The following KIF26B variants were observed in gnomAD, a reference collection of about 807,000 sequenced individuals.
The protein encoded by KIF26B is kinesin family member 26B, also known as kinesin-like protein KIF26B.
A neutral mutation model predicts 151.2 loss-of-function variants in KIF26B; 63 were observed. The ratio of observed to expected loss-of-function variants is 0.42; its 90% CI spans 0.34 to 0.51. The LOEUF is 0.51. Among genes scored for constraint, KIF26B ranks in the 20% least tolerant of loss-of-function variants. The pLI is 0.07. For missense variants in KIF26B, 2,813 were observed against 2,913.6 expected (o/e 0.97, Z 0.79); for synonymous variants, 1,357 against 1,262.1 (o/e 1.08, Z -1.59).
At chr1:245,275,128 C>A (rs1366873346) in intron 2 of KIF26B, among the ~76,000 whole-genome samples, 1 of 152,116 alleles carries the variant, frequency 6.6e-6, no homozygotes, top group Non-Finnish European at 1.5e-5. Context: ...TAAATGTCTT[C>A]TTTTGAGAAG....
rs997753308 is a variant in KIF26B at position 245,532,102 on chromosome 1, G to A, written c.1167-8665G>A. Among the ~76,000 whole-genome samples the A allele has an allele frequency of 7.9e-5, 12 of 151,958 alleles. No homozygotes were observed. In the South Asian group the frequency reaches 1.2e-3, roughly 16 times the overall value. On this transcript the variant is annotated intron_variant, in intron 4 of 14. Coordinates refer to ENST00000407071, the MANE Select transcript of KIF26B (RefSeq NM_018012.4). ...ACCCTGTCCTTAAGAAAAAAACAAAGCAAACAACAAAAAGACAACTGCTAT... is the reference window on the plus strand; with the variant it reads ...ACCCTGTCCTTAAGAAAAAAACAAAACAAACAACAAAAAGACAACTGCTAT...
chr1:245,552,616 A>ATTTTTTTTTT (rs3038129), intron 5 of KIF26B, among the ~76,000 whole-genome samples: 19 of 138,516 alleles, frequency 1.4e-4, no homozygotes, highest in African/African-American at 5.2e-4. Flanking sequence ...ATCTTCCTGG[A>ATTTTTTTTTT]TTTTTTTTTT....
intron 2 of KIF26B, among the ~76,000 whole-genome samples, chr1:245,230,839 C>T (rs1420137221): frequency 1.3e-5 from 2 of 151,522 alleles, no homozygotes; most frequent in Non-Finnish European, 2.9e-5. Flanking sequence ...GTTAACACCA[C>T]CTCCAACATG....
intron 9 of KIF26B, among the ~76,000 whole-genome samples, chr1:245,623,087 A>G (rs960273086): frequency 7.3e-6 from 1 of 137,826 alleles, no homozygotes; most frequent in African/African-American, 2.7e-5. Context: ...GATATACCTG[A>G]GCTACAATAA....
chr1:245,557,319 T>C (rs1353465920), intron 5 of KIF26B, among the ~76,000 whole-genome samples: 2 of 152,196 alleles, frequency 1.3e-5, no homozygotes, highest in Non-Finnish European at 2.9e-5. Flanking sequence ...CAGATCTCTT[T>C]GCGGATGTGG....
chr1:245,466,533 T>C (rs1486839063), intron 4 of KIF26B, among the ~76,000 whole-genome samples: 3 of 152,240 alleles, frequency 2.0e-5, no homozygotes, highest in Non-Finnish European at 4.4e-5. Context: ...GTTTTCCTTT[T>C]TACTTGTTCT....
intron 2 of KIF26B, among the ~76,000 whole-genome samples, chr1:245,157,272 T>C (rs779970885): frequency 2.6e-5 from 4 of 152,210 alleles, no homozygotes; most frequent in African/African-American, 7.2e-5. Context: ...CCAAGCACAC[T>C]GGTTCCTCCA....
At chr1:245,421,493 T>C (rs1213809591) in intron 4 of KIF26B, among the ~76,000 whole-genome samples, 4 of 152,148 alleles carry the variant, frequency 2.6e-5, no homozygotes, top group Non-Finnish European at 5.9e-5. Flanking sequence ...GAGTGAGATT[T>C]GTGTCCCTAA....
intron 3 of KIF26B, among the ~76,000 whole-genome samples, chr1:245,380,404 C>T (rs923178971): frequency 2.2e-4 from 34 of 152,204 alleles, no homozygotes; most frequent in African/African-American, 8.2e-4. Flanking sequence ...TCTGAGCCAG[C>T]CTGATGGTTT....
rs959487794 is a variant in KIF26B at position 245,688,482 on chromosome 1, G to C, written c.5499G>C (p.Gly1833=). Reference sequence around the variant, plus strand: ...CCGGGCCCGAGGCGGAGGCGCGCGGGGGGGCCCTGGCCGAGGACGAGCCCG... The same window carrying C: ...CCGGGCCCGAGGCGGAGGCGCGCGGCGGGGCCCTGGCCGAGGACGAGCCCG... ...LRAGPEAEAR[G]GALAEDEPAA... Residue 1833 remains glycine (G), a synonymous_variant, in exon 12 of 15, where the codon GGG becomes GGC. Transcript: ENST00000407071. 1.4e-6 allele frequency: 2 copies of C among 1,404,546 alleles called. No individual in the cohort carries two copies. Among genetic ancestry groups the C allele is most frequent in the East Asian group, 3.0e-5 (1 of 32,988 alleles). 87.0% of individuals were successfully genotyped at this position (1,404,546 alleles called of 1,614,324 possible). A position where few individuals can be genotyped will look rare whatever the true frequency, so the allele number is the denominator to read the frequency against.
intron 10 of KIF26B, among the ~76,000 whole-genome samples, chr1:245,680,096 C>G (rs1440491465): frequency 6.6e-6 from 1 of 152,140 alleles, no homozygotes; most frequent in African/African-American, 2.4e-5. Context: ...CTGACTGTTG[C>G]CCTGGAAACT....
intron 2 of KIF26B, among the ~76,000 whole-genome samples, chr1:245,182,266 C>T (rs2103528059): frequency 6.6e-6 from 1 of 152,306 alleles, no homozygotes; most frequent in South Asian, 2.1e-4. Flanking sequence ...AAAGACTAAT[C>T]TGCTTTCCGT....
intron 4 of KIF26B, among the ~76,000 whole-genome samples, chr1:245,507,743 AC>A (rs1381161398): frequency 1.3e-5 from 2 of 152,030 alleles, no homozygotes; most frequent in Non-Finnish European, 2.9e-5. Context: ...CAGCCAGGCC[AC>A]CCCAAACTTC....
chr1:245,194,044 A>T (rs1329047966), intron 2 of KIF26B, among the ~76,000 whole-genome samples: 1 of 152,164 alleles, frequency 6.6e-6, no homozygotes, highest in Non-Finnish European at 1.5e-5. Flanking sequence ...AAATAATACC[A>T]CTAGAATTGT....
intron 2 of KIF26B, among the ~76,000 whole-genome samples, chr1:245,190,766 A>G (rs1384299433): frequency 6.6e-6 from 1 of 151,608 alleles, no homozygotes; most frequent in Admixed American, 6.6e-5. Context: ...TCCCTATAAG[A>G]GATAAGAACC....
At position 245,602,451 on chromosome 1, in the gene KIF26B, A is replaced by T. The variant is rs2043406307; in HGVS notation, c.1351-126A>T. On this transcript the variant is annotated intron_variant, in intron 5 of 14. Transcript: ENST00000407071. The surrounding 1 kb of genome is among the most constrained non-coding windows in gnomAD (Gnocchi z 4.5). The stretch of plus-strand genomic sequence containing the variant: ...ATGTTGCTAATTCACTGTGCATTTC[A>T]TCATAATTTATCCTGAGAAAGTTCA... 24 of 705,424 alleles carry T rather than the reference A, an allele frequency of 3.4e-5. No homozygotes were observed. In the South Asian group the frequency reaches 4.2e-4, roughly 12 times the overall value. 43.7% of individuals were successfully genotyped at this position (705,424 alleles called of 1,614,324 possible).
chr1:245,643,432 A>G (rs1021719777), intron 9 of KIF26B, among the ~76,000 whole-genome samples: 1 of 152,158 alleles, frequency 6.6e-6, no homozygotes, highest in Non-Finnish European at 1.5e-5. Flanking sequence ...ACCACAGTCT[A>G]ATTTAAAGTG....
intron 10 of KIF26B, among the ~76,000 whole-genome samples, chr1:245,658,560 GT>G (rs1341403749): frequency 6.6e-6 from 1 of 151,964 alleles, no homozygotes; most frequent in African/African-American, 2.4e-5. Context: ...CTGGCTAATA[GT>G]TTATATTTTT....
At chr1:245,254,450 G>A (rs1000703903) in intron 2 of KIF26B, among the ~76,000 whole-genome samples, 1 of 152,140 alleles carries the variant, frequency 6.6e-6, no homozygotes, top group Non-Finnish European at 1.5e-5. Context: ...GGGGAGGAGG[G>A]CTTTCCTTTT....
Sources: allele counts gnomAD v4.1 joint callset (sites outside exome capture counted in the v4.1 genomes callset), GRCh38; gene constraint gnomAD v4.1.1; non-coding constraint Gnocchi (gnomAD v3.1); transcripts MANE v1.5; gene names NCBI Gene and HGNC (gene_info 2026-07-23, HGNC 2026-07-21).